Variants in FAM53A observed in about 807,000 individuals in gnomAD.
FAM53A encodes family with sequence similarity 53 member A.
FAM53A carries 28 observed loss-of-function variants against 26.6 expected under a neutral mutation model. That is an observed-to-expected ratio of 1.05 (90% CI 0.78 to 1.45). The LOEUF (loss-of-function observed/expected upper bound fraction) is 1.45. Ranked by LOEUF, FAM53A falls within the 40% of genes most tolerant of loss-of-function variation. FAM53A has a pLI of 0.00. For synonymous variants in FAM53A, 290 were observed against 253.1 expected (o/e 1.15, Z -1.38); for missense variants, 650 against 575.8 (o/e 1.13, Z -1.32).
chr4:1,600,958 C>T, the FAM53A span, among the ~76,000 whole-genome samples: 1 of 152,220 alleles, frequency 6.6e-6, no homozygotes, highest in Admixed American at 6.5e-5. Flanking sequence ...AGCCCTGCCC[C>T]AGGGCCCAGC....
chr4:1,621,582 G>A (rs1032116528), intron 1 of FAM53A, among the ~76,000 whole-genome samples: 27 of 152,286 alleles, frequency 1.8e-4, no homozygotes, highest in African/African-American at 2.2e-4. Context: ...CCTCCACAGC[G>A]GGGAGCGAAG....
downstream of FAM53A, among the ~76,000 whole-genome samples, chr4:1,635,803 T>C (rs1420828759): frequency 2.6e-5 from 4 of 151,700 alleles, no homozygotes; most frequent in African/African-American, 7.3e-5. Flanking sequence ...TATTGAGTTG[T>C]GGTCAGAAGA....
intron 4 of FAM53A, among the ~76,000 whole-genome samples, chr4:1,648,830 A>T (rs563557418): frequency 3.1e-3 from 468 of 152,322 alleles, no homozygotes; most frequent in Middle Eastern, 0.024. Context: ...AAAACGGGGC[A>T]AGCCGGGAGT....
intron 1 of FAM53A, among the ~76,000 whole-genome samples, chr4:1,627,550 C>A (rs1202328706): frequency 6.6e-6 from 1 of 152,174 alleles, no homozygotes; most frequent in Non-Finnish European, 1.5e-5. Flanking sequence ...CCAGGCTGAC[C>A]CCTCCCCACA....
the FAM53A span, among the ~76,000 whole-genome samples, chr4:1,580,434 G>C: frequency 2.6e-5 from 4 of 152,188 alleles, no homozygotes; most frequent in Admixed American, 2.0e-4. Context: ...GAGATCTAAG[G>C]CTGGGGCAGA....
At chr4:1,608,549 G>A in the FAM53A span, among the ~76,000 whole-genome samples, 1 of 152,314 alleles carries the variant, frequency 6.6e-6, no homozygotes, top group South Asian at 2.1e-4. Context: ...AAGAGGTGAG[G>A]CCCCTGGTGG....
At chr4:1,634,781 T>A (rs1715763598) in intron 1 of FAM53A, among the ~76,000 whole-genome samples, 1 of 151,728 alleles carries the variant, frequency 6.6e-6, no homozygotes, top group African/African-American at 2.4e-5. Context: ...GCGCCTGTAA[T>A]CCCAGTTACT....
At chr4:1,646,205 A>G (rs1396182020) in intron 4 of FAM53A, among the ~76,000 whole-genome samples, 1 of 151,614 alleles carries the variant, frequency 6.6e-6, no homozygotes, top group African/African-American at 2.4e-5. Flanking sequence ...GGTTCAGGCC[A>G]TTCTCCTGCC....
upstream of FAM53A, among the ~76,000 whole-genome samples, chr4:1,684,816 A>G (rs1400461074): frequency 6.6e-6 from 1 of 152,142 alleles, no homozygotes; most frequent in Non-Finnish European, 1.5e-5. Flanking sequence ...GCACCTGCAC[A>G]GTGTGAATTA....
At chr4:1,677,335 T>C (rs1358959613) in intron 1 of FAM53A, among the ~76,000 whole-genome samples, 1 of 152,210 alleles carries the variant, frequency 6.6e-6, no homozygotes, top group Non-Finnish European at 1.5e-5. Context: ...CGTCTGTTCC[T>C]GGACTCCGTG....
At chr4:1,682,248 A>G (rs1715489045) in intron 1 of FAM53A, among the ~76,000 whole-genome samples, 1 of 149,688 alleles carries the variant, frequency 6.7e-6, no homozygotes, top group Non-Finnish European at 1.5e-5. Context: ...GAGTTTATAT[A>G]AAAATTTTTA....
chr4:1,680,789 AAAAC>A (rs1004423298), intron 1 of FAM53A, among the ~76,000 whole-genome samples: 4 of 148,412 alleles, frequency 2.7e-5, no homozygotes, highest in African/African-American at 5.3e-5. Flanking sequence ...ACTATTTAAA[AAAAC>A]AAACAAAAAA....
At chr4:1,587,806 G>A in the FAM53A span, among the ~76,000 whole-genome samples, 649 of 152,234 alleles carry the variant, frequency 4.3e-3, 1 homozygote, top group African/African-American at 0.015. Context: ...TGCCATTGGC[G>A]TACTGTTTTT....
At chr4:1,646,554 A>G (rs1364462013) in intron 4 of FAM53A, among the ~76,000 whole-genome samples, 1 of 152,214 alleles carries the variant, frequency 6.6e-6, no homozygotes, top group Non-Finnish European at 1.5e-5. Flanking sequence ...AGGCACAGAG[A>G]AAACAGCTCA....
At chr4:1,638,920 G>A (rs1373435063), downstream of FAM53A, among the ~76,000 whole-genome samples, 2 of 152,218 alleles carry the variant, frequency 1.3e-5, no homozygotes, top group Admixed American at 6.5e-5. Context: ...ACCATCCAGC[G>A]GGAGGGGACG....
chr4:1,642,598 G>A (rs1711819917), intron 4 of FAM53A, among the ~76,000 whole-genome samples: 1 of 152,180 alleles, frequency 6.6e-6, no homozygotes. Flanking sequence ...AGACCCAGCA[G>A]GTGTGTCCAG....
intron 4 of FAM53A, among the ~76,000 whole-genome samples, chr4:1,649,461 G>A (rs540807951): frequency 3.3e-5 from 5 of 152,238 alleles, no homozygotes; most frequent in Non-Finnish European, 7.3e-5. Context: ...CCTTCAAAAA[G>A]TGGAGCCCGA....
At chr4:1,619,571 G>A (rs11248069) in intron 1 of FAM53A, among the ~76,000 whole-genome samples, 44,500 of 152,112 alleles carry the variant, frequency 0.29, 6,768 homozygotes, top group East Asian at 0.42. Flanking sequence ...GCCTATCTCT[G>A]GGTCTATACC....
At chr4:1,683,898 C>G (rs1039438910) in intron 1 of FAM53A, 9 of 152,238 alleles carry the variant, frequency 5.9e-5, no homozygotes, top group African/African-American at 2.2e-4. Context: ...CTCGGGTCGC[C>G]GGGGAAGTCT....
Sources: gnomAD v4.1 joint callset for allele counts (sites outside exome capture counted in the v4.1 genomes callset) on GRCh38, gnomAD v4.1.1 for gene constraint, MANE v1.5 for transcripts, NCBI Gene and HGNC (gene_info 2026-07-23, HGNC 2026-07-21) for gene names.